Variants in PXK observed in about 807,000 individuals in gnomAD.
PXK encodes the protein PX domain containing serine/threonine kinase like.
In PXK, 35 loss-of-function variants were observed where a neutral mutation model predicts 84.7. That is an observed-to-expected ratio of 0.41 (90% CI 0.32 to 0.55). PXK has a LOEUF of 0.55. Among genes scored for constraint, PXK ranks in the 20% least tolerant of loss-of-function variants. The probability of loss-of-function intolerance (pLI) is 0.21; values close to 1 mark genes in which losing one functional copy is unlikely to be tolerated. For synonymous variants in PXK, 253 were observed against 260.8 expected (o/e 0.97, Z 0.29); for missense variants, 634 against 699.7 (o/e 0.91, Z 1.06).
In PXK at chr3:58,424,874, G is replaced by A; in HGVS notation, c.1651G>A (p.Ala551Thr). The A allele has an allele frequency of 6.2e-7, 1 of 1,614,232 alleles. No individual in the cohort carries two copies. The highest frequency in any genetic ancestry group is 8.5e-7 in the Non-Finnish European group (1 of 1,180,048). The change falls in exon 18 of 18, where the codon GCC becomes ACC. Residue 551 changes from alanine (A) to threonine (T), a missense_variant. Coordinates refer to ENST00000356151, the MANE Select transcript of PXK (RefSeq NM_017771.5). ...SQAVNGMSRGALLSSIQNFQK... is the reference protein window; with the variant it reads ...SQAVNGMSRGTLLSSIQNFQK... ...GGCTGTGAATGGCATGAGCCGAGGG[G>A]CCTTGCTCAGCTCCATCCAGAATTT...
intron 1 of PXK, among the ~76,000 whole-genome samples, chr3:58,340,944 A>T (rs2097717856): frequency 2.0e-5 from 3 of 150,860 alleles, no homozygotes; most frequent in Admixed American, 2.0e-4. Context: ...AGTGTTTGGG[A>T]TACCAGAGGG....
In PXK at chr3:58,382,571, G is replaced by C; in HGVS notation, c.259G>C (p.Glu87Gln). The C allele has an allele frequency of 4.4e-6, 7 of 1,602,546 alleles. No individual in the cohort carries two copies. Among genetic ancestry groups the C allele is most frequent in the Non-Finnish European group, 6.0e-6 (7 of 1,176,172 alleles). ...AAAATTGATTGGTAACATGGATCGTGAATTCATAGCTGAAAGGCAGAAAGG... is the reference window on the plus strand; with the variant it reads ...AAAATTGATTGGTAACATGGATCGTCAATTCATAGCTGAAAGGCAGAAAGG... ...PKKLIGNMDREFIAERQKGLQ... is the reference protein window; with the variant it reads ...PKKLIGNMDRQFIAERQKGLQ... The change falls in exon 4 of 18, where the codon GAA becomes CAA. Residue 87 changes from glutamate to glutamine, a missense_variant. By Grantham distance (29) the Glu-to-Gln change is conservative. This residue lies in a region of PXK where 353 missense variants were observed against 385.2 expected (regional missense o/e 0.92). Transcript: ENST00000356151.
intron 9 of PXK, among the ~76,000 whole-genome samples, chr3:58,396,534 A>G (rs2107131105): frequency 6.6e-6 from 1 of 152,302 alleles, no homozygotes; most frequent in East Asian, 1.9e-4. Flanking sequence ...CAGCGGAAAT[A>G]TTTACTGCTT....
rs531933181 is a variant in PXK at position 58,359,083 on chromosome 3, T to C, written c.103-6791T>C. ...AACGTGATAGGTGCTTAGTCCATGC[T>C]CACAATTGGCAGCAACATCTTCATA... is the stretch of plus-strand genomic sequence containing the variant. On this transcript the variant is annotated intron_variant, in intron 1 of 17. Transcript: ENST00000356151. Among the ~76,000 whole-genome samples, 30 of 152,270 alleles carry C rather than the reference T, an allele frequency of 2.0e-4. No individual in the cohort carries two copies. In the South Asian group the frequency reaches 4.3e-3, roughly 22 times the overall value.
rs1022245142 is a variant in PXK, at chr3:58,395,046, G to A, written c.664G>A (p.Ala222Thr). Residue 222 changes from alanine (A) to threonine (T), a missense_variant, in exon 8 of 18, where the codon GCG becomes ACG. Physicochemically the swap from Ala to Thr is moderately conservative, Grantham distance 58. This residue lies in a region of PXK where 353 missense variants were observed against 385.2 expected (regional missense o/e 0.92). Transcript: ENST00000356151. ...VTFATANESS[A>T]LLIRMFNEKG... The stretch of plus-strand genomic sequence containing the variant: ...CTTTGCCACAGCTAATGAATCCTCA[G>A]CGTTGCTAATTAGGATGTTTAACGA... The A allele has an allele frequency of 7.4e-6, 12 of 1,613,642 alleles. No homozygotes were observed. In the African/African-American group the frequency reaches 1.3e-4, roughly 18 times the overall value.
chr3:58,402,462 C>T, intron 12 of PXK, among the ~76,000 whole-genome samples: 1 of 149,642 alleles, frequency 6.7e-6, no homozygotes. Context: ...TAGAGTCTTG[C>T]TCTGTCACCC....
Position 58,412,463 on chromosome 3 carries a change from G to A in PXK, c.1466-438G>A, listed in dbSNP as rs942724928. ...ATAAAATGGAACTTCGGCAGAATGCGTTACTGGGTGGATGCTGTACGGGGC... is the reference window on the plus strand; with the variant it reads ...ATAAAATGGAACTTCGGCAGAATGCATTACTGGGTGGATGCTGTACGGGGC... On this transcript the variant is annotated intron_variant, in intron 16 of 17. Transcript: ENST00000356151. The surrounding 1 kb of genome is among the most constrained non-coding windows in gnomAD (Gnocchi z 6.2). Among the ~76,000 whole-genome samples the A allele has an allele frequency of 3.3e-5, 5 of 152,104 alleles. No homozygotes were observed. Among genetic ancestry groups the A allele is most frequent in the Non-Finnish European group, 7.4e-5 (5 of 68,018 alleles).
At chr3:58,345,284 C>G (rs1401917035) in intron 1 of PXK, among the ~76,000 whole-genome samples, 1 of 152,110 alleles carries the variant, frequency 6.6e-6, no homozygotes, top group African/African-American at 2.4e-5. Flanking sequence ...TATGCCTCAG[C>G]CTTTTCTAAC....
At chr3:58,408,179 A>G (rs2059667684) in intron 13 of PXK, among the ~76,000 whole-genome samples, 1 of 152,230 alleles carries the variant, frequency 6.6e-6, no homozygotes, top group South Asian at 2.1e-4. Context: ...TTATTTGACC[A>G]TATCCACAAG....
At position 58,333,078 on chromosome 3, in the gene PXK, G is replaced by A. The variant is rs1331699176; in HGVS notation, c.90G>A (p.Leu30=). The A allele has an allele frequency of 7.6e-7, 1 of 1,312,226 alleles. No individual in the cohort carries two copies. Among genetic ancestry groups the A allele is most frequent in the Non-Finnish European group, 9.8e-7 (1 of 1,015,538 alleles). 81.3% of individuals were successfully genotyped at this position (1,312,226 alleles called of 1,614,324 possible). ...CAGCCATCGAGGCGAGCCAGAGCCTGCAGTCCCACACGGTGCGCGGCCCAG... is the reference window on the plus strand; with the variant it reads ...CAGCCATCGAGGCGAGCCAGAGCCTACAGTCCCACACGGTGCGCGGCCCAG... ...LTAAIEASQS[L]QSHTEYIIRV... The change falls in exon 1 of 18, where the codon CTG becomes CTA. Residue 30 remains leucine (L), a synonymous_variant. Coordinates refer to ENST00000356151, the MANE Select transcript of PXK (RefSeq NM_017771.5). The surrounding 1 kb of genome is among the most constrained non-coding windows in gnomAD (Gnocchi z 5.4).
chr3:58,411,531 T>C lies in PXK; in HGVS notation c.1466-1370T>C, dbSNP rs1217458108. ...GGACCGGTCATGGTCATTATTATAC[T>C]GAGACTCATGATTCCAACCAGCAGT... On this transcript the variant is annotated intron_variant, in intron 16 of 17. Transcript: ENST00000356151. The surrounding 1 kb of genome is among the most constrained non-coding windows in gnomAD (Gnocchi z 4.2). 6.6e-6 allele frequency among the ~76,000 whole-genome samples: 1 copy of C among 152,140 alleles called. No homozygotes were observed. The highest frequency in any genetic ancestry group is 1.5e-5 in the Non-Finnish European group (1 of 68,014).
At chr3:58,354,630 G>T (rs1274684469) in intron 1 of PXK, among the ~76,000 whole-genome samples, 2 of 151,876 alleles carry the variant, frequency 1.3e-5, no homozygotes, top group Non-Finnish European at 2.9e-5. Context: ...TGTATCTTCA[G>T]TAGAGATGGG....
intron 17 of PXK, among the ~76,000 whole-genome samples, chr3:58,417,445 T>G (rs1012973048): frequency 2.6e-5 from 4 of 152,212 alleles, no homozygotes; most frequent in African/African-American, 9.6e-5. Flanking sequence ...CTAGCAACTA[T>G]GTAAGGGTTG....
chr3:58,394,391 G>A (rs1270777009), intron 7 of PXK, among the ~76,000 whole-genome samples: 1 of 152,194 alleles, frequency 6.6e-6, no homozygotes, highest in Admixed American at 6.5e-5. Context: ...ATCTGAGGAG[G>A]ACACTGTGAA....
intron 17 of PXK, 92 bp from the exon 18 acceptor site, chr3:58,424,660 C>CT: frequency 6.7e-7 from 1 of 1,490,224 alleles, no homozygotes; most frequent in South Asian, 1.3e-5. Flanking sequence ...CATGTGGACT[C>CT]TCACCAGTCC....
At chr3:58,336,148 T>C (rs1183456412) in intron 1 of PXK, among the ~76,000 whole-genome samples, 3 of 147,486 alleles carry the variant, frequency 2.0e-5, no homozygotes, top group Non-Finnish European at 4.5e-5. Context: ...TGACCTCAAG[T>C]GATCCTCCCA....
At chr3:58,415,614 G>A (rs1286274521) in intron 17 of PXK, among the ~76,000 whole-genome samples, 1 of 152,228 alleles carries the variant, frequency 6.6e-6, no homozygotes, top group African/African-American at 2.4e-5. Flanking sequence ...AGGCATGATT[G>A]ACAACCATAT....
chr3:58,376,544 C>T (rs1165356309), intron 3 of PXK, among the ~76,000 whole-genome samples: 1 of 152,050 alleles, frequency 6.6e-6, no homozygotes, highest in Non-Finnish European at 1.5e-5. Context: ...CATACACACA[C>T]GTAAATGAGA....
intron 9 of PXK, among the ~76,000 whole-genome samples, chr3:58,396,277 G>T (rs112473625): frequency 3.3e-5 from 5 of 152,198 alleles, no homozygotes; most frequent in African/African-American, 1.2e-4. Context: ...ATGTGTATGT[G>T]TGTATATATA....
Sources: allele counts gnomAD v4.1 joint callset (sites outside exome capture counted in the v4.1 genomes callset), GRCh38; gene constraint gnomAD v4.1.1; regional missense constraint gnomAD v4.1.1; non-coding constraint Gnocchi (gnomAD v3.1); transcripts MANE v1.5; gene names NCBI Gene and HGNC (gene_info 2026-07-23, HGNC 2026-07-21).